The following HPSE2 variants were observed in gnomAD, a reference collection of about 807,000 sequenced individuals.
HPSE2 encodes heparanase 2 (inactive), also known as inactive heparanase-2.
Under a neutral mutation model 60.5 loss-of-function variants are expected in HPSE2, and 38 were observed. That is an observed-to-expected ratio of 0.63 (90% CI 0.48 to 0.82). HPSE2 has a LOEUF of 0.82. Among genes scored for constraint, HPSE2 ranks in the 40% least tolerant of loss-of-function variants. The pLI is 0.00. For synonymous variants in HPSE2, 295 were observed against 293.2 expected (o/e 1.01, Z -0.06); for missense variants, 713 against 740.4 (o/e 0.96, Z 0.43).
At chr10:99,116,484 T>C (rs1447018968) in intron 3 of HPSE2, among the ~76,000 whole-genome samples, 1 of 152,088 alleles carries the variant, frequency 6.6e-6, no homozygotes. Flanking sequence ...ATCAAAGCAA[T>C]GCAAATATTA....
chr10:99,099,947 A>C (rs1843883733), intron 3 of HPSE2, among the ~76,000 whole-genome samples: 1 of 152,216 alleles, frequency 6.6e-6, no homozygotes, highest in Admixed American at 6.5e-5. Flanking sequence ...TATTAGAATG[A>C]AAACTAACAA....
chr10:99,092,053 A>C (rs1843533441), intron 3 of HPSE2, among the ~76,000 whole-genome samples: 1 of 152,174 alleles, frequency 6.6e-6, no homozygotes, highest in Non-Finnish European at 1.5e-5. Context: ...GTGGGGAGAA[A>C]ACAGGGAGGA....
intron 3 of HPSE2, among the ~76,000 whole-genome samples, chr10:99,094,762 G>A (rs1397808313): frequency 6.6e-6 from 1 of 150,784 alleles, no homozygotes; most frequent in Non-Finnish European, 1.5e-5. Flanking sequence ...TCACCGTGTT[G>A]GCCAGGCTAG....
intron 3 of HPSE2, among the ~76,000 whole-genome samples, chr10:98,801,397 T>C (rs1257849427): frequency 6.6e-6 from 1 of 152,024 alleles, no homozygotes; most frequent in Non-Finnish European, 1.5e-5. Flanking sequence ...GGCATCCAAA[T>C]TGGAAAGAAA....
At chr10:98,959,462 A>G (rs1309042621) in intron 3 of HPSE2, among the ~76,000 whole-genome samples, 1 of 152,098 alleles carries the variant, frequency 6.6e-6, no homozygotes, top group Admixed American at 6.6e-5. Context: ...TAGCTCATAA[A>G]TAAATAACAC....
intron 3 of HPSE2, among the ~76,000 whole-genome samples, chr10:99,122,372 C>T (rs1010616225): frequency 6.6e-5 from 10 of 151,762 alleles, no homozygotes; most frequent in Middle Eastern, 3.5e-3. Flanking sequence ...GGAAAATAAT[C>T]GGTAAAAATT....
At chr10:98,493,251 T>G (rs985252200) in intron 9 of HPSE2, among the ~76,000 whole-genome samples, 2 of 152,240 alleles carry the variant, frequency 1.3e-5, no homozygotes, top group Admixed American at 6.5e-5. Flanking sequence ...ATGTCCCATA[T>G]GCAATGAGAA....
chr10:99,305,478 C>A, the HPSE2 span, among the ~76,000 whole-genome samples: 4 of 152,100 alleles, frequency 2.6e-5, no homozygotes, highest in Non-Finnish European at 2.9e-5. Context: ...ATTCTATTTT[C>A]TTAGACTAGG....
At chr10:99,150,182 T>C (rs1452008542) in intron 2 of HPSE2, among the ~76,000 whole-genome samples, 1 of 152,220 alleles carries the variant, frequency 6.6e-6, no homozygotes, top group Non-Finnish European at 1.5e-5. Context: ...TAATTATTTC[T>C]GGACATCTAG....
chr10:98,643,284 G>A (rs567801411), intron 6 of HPSE2, among the ~76,000 whole-genome samples: 1 of 152,284 alleles, frequency 6.6e-6, no homozygotes, highest in African/African-American at 2.4e-5. Flanking sequence ...CTTCTCCTCA[G>A]GCTTGAGAAT....
intron 3 of HPSE2, among the ~76,000 whole-genome samples, chr10:99,090,260 C>T (rs1843467035): frequency 6.6e-6 from 1 of 152,074 alleles, no homozygotes; most frequent in Non-Finnish European, 1.5e-5. Context: ...TTCTCCATAG[C>T]ACTCATCACC....
At chr10:98,639,729 A>G (rs1291796408) in intron 7 of HPSE2, among the ~76,000 whole-genome samples, 3 of 152,212 alleles carry the variant, frequency 2.0e-5, no homozygotes, top group Admixed American at 6.5e-5. Flanking sequence ...GTGGGGATAA[A>G]GGAAAGAACC....
At chr10:98,639,993 T>C (rs1241599319) in intron 7 of HPSE2, among the ~76,000 whole-genome samples, 1 of 152,212 alleles carries the variant, frequency 6.6e-6, no homozygotes, top group African/African-American at 2.4e-5. Flanking sequence ...AAATATTTAT[T>C]GAATGAAGCA....
intron 5 of HPSE2, among the ~76,000 whole-genome samples, chr10:98,714,784 T>C (rs1363957574): frequency 2.6e-5 from 4 of 151,904 alleles, no homozygotes; most frequent in Non-Finnish European, 5.9e-5. Context: ...TGAACCATAT[T>C]ATATTCCCAT....
intron 3 of HPSE2, among the ~76,000 whole-genome samples, chr10:98,889,667 G>C (rs1953277297): frequency 6.6e-6 from 1 of 152,182 alleles, no homozygotes; most frequent in African/African-American, 2.4e-5. Flanking sequence ...AGGGAGTCAA[G>C]TGGGCCCTGG....
chr10:99,032,705 T>A (rs946458836), intron 3 of HPSE2, among the ~76,000 whole-genome samples: 1 of 152,146 alleles, frequency 6.6e-6, no homozygotes, highest in African/African-American at 2.4e-5. Flanking sequence ...AAAATCAAGG[T>A]ATTGGGAAGG....
chr10:98,562,487 C>T (rs558278415), intron 9 of HPSE2, among the ~76,000 whole-genome samples: 89 of 152,020 alleles, frequency 5.9e-4, no homozygotes, highest in African/African-American at 1.8e-3. Flanking sequence ...GAGGCTGAGG[C>T]GGGCGGATCA....
chr10:99,152,687 T>C (rs1298424476), intron 2 of HPSE2, among the ~76,000 whole-genome samples: 2 of 152,206 alleles, frequency 1.3e-5, no homozygotes, highest in Non-Finnish European at 2.9e-5. Context: ...CTGTGCTAAA[T>C]TAAGATGCAT....
At chr10:99,194,990 T>G (rs1485841583) in intron 2 of HPSE2, among the ~76,000 whole-genome samples, 1 of 151,886 alleles carries the variant, frequency 6.6e-6, no homozygotes, top group Non-Finnish European at 1.5e-5. Flanking sequence ...TCAATAAAAT[T>G]CAACCAAGCC....
Sources: gnomAD v4.1 joint callset for allele counts (sites outside exome capture counted in the v4.1 genomes callset) on GRCh38, gnomAD v4.1.1 for gene constraint, MANE v1.5 for transcripts, NCBI Gene and HGNC (gene_info 2026-07-23, HGNC 2026-07-21) for gene names.